NRXN3: variants seen among roughly 807,000 people sequenced by gnomAD.
The protein encoded by NRXN3 is neurexin 3.
NRXN3 carries 32 observed loss-of-function variants against 137.6 expected under a neutral mutation model. The observed-to-expected ratio is 0.23, with a 90% CI of 0.18 to 0.31. The LOEUF (loss-of-function observed/expected upper bound fraction) is 0.31, where lower values mean the gene tolerates loss of function less well. NRXN3 is among the 10% of genes least tolerant of loss of function. The pLI, the probability that NRXN3 is intolerant of heterozygous loss-of-function variation, is 1.00. For missense variants in NRXN3, 1,574 were observed against 2,062.5 expected, an observed-to-expected ratio of 0.76 and a Z score of 4.59; for synonymous variants, 798 against 784.5, an observed-to-expected ratio of 1.02 and a Z score of -0.29.
chr14:79,716,559 A>G (rs1299767274), intron 19 of NRXN3, among the ~76,000 whole-genome samples: 1 of 152,024 alleles, frequency 6.6e-6, no homozygotes, highest in South Asian at 2.1e-4. Context: ...TATTTTTCTC[A>G]TGCCTTACTT....
rs368322773 is a variant in NRXN3, at chr14:78,709,534, C to A, written c.1539C>A (p.Leu513=). 6.2e-7 allele frequency: 1 copy of A among 1,614,060 alleles called. No individual in the cohort carries two copies. The highest frequency in any genetic ancestry group is 2.2e-5 in the East Asian group (1 of 44,834). Residue 513 remains leucine (L), a synonymous_variant, in exon 7 of 21, where the codon CTC becomes CTA. Transcript: ENST00000335750. Reference sequence around the variant, plus strand: ...TAGACTTCTTTGCCGTGGAACTCCTCGATGGCAACCTGTACTTGCTGCTTG... The same window carrying A: ...TAGACTTCTTTGCCGTGGAACTCCTAGATGGCAACCTGTACTTGCTGCTTG... ...TKVDFFAVEL[L]DGNLYLLLDM... is the part of the protein sequence containing the mutation.
chr14:78,572,013 A>G (rs1256395126), intron 4 of NRXN3, among the ~76,000 whole-genome samples: 2 of 152,312 alleles, frequency 1.3e-5, no homozygotes, highest in East Asian at 3.9e-4. Flanking sequence ...TGTCTTCTCC[A>G]TTCTTTGGAA....
chr14:78,506,380 A>T lies in NRXN3; in HGVS notation c.758-138740A>T, dbSNP rs184071067. 2.3e-3 allele frequency among the ~76,000 whole-genome samples: 347 copies of T among 152,314 alleles called. 4 individuals are homozygous for T. The highest frequency in any genetic ancestry group is 5.2e-3 in the Admixed American group (80 of 15,302). On this transcript the variant is annotated intron_variant, in intron 4 of 20. Coordinates refer to ENST00000335750, the MANE Select transcript of NRXN3 (RefSeq NM_001330195.2). ...GTTATTGCGAACAGTGCTGCAATAA[A>T]CATGGGGGTGCAGATATCTCTTTGA...
chr14:78,185,374 G>A (rs1330830915), intron 1 of NRXN3, among the ~76,000 whole-genome samples: 2 of 152,150 alleles, frequency 1.3e-5, no homozygotes, highest in Non-Finnish European at 2.9e-5. Flanking sequence ...ACAGGCCAGG[G>A]AAGTAGCATG....
At chr14:79,085,608 T>C (rs1240236456) in intron 15 of NRXN3, among the ~76,000 whole-genome samples, 1 of 152,176 alleles carries the variant, frequency 6.6e-6, no homozygotes, top group African/African-American at 2.4e-5. Context: ...ATTAACTTAG[T>C]AGTTTAATGA....
At chr14:79,845,186 T>C (rs930001805) in intron 20 of NRXN3, among the ~76,000 whole-genome samples, 3 of 152,270 alleles carry the variant, frequency 2.0e-5, no homozygotes, top group Non-Finnish European at 4.4e-5. Context: ...AACAGGAATG[T>C]TGTGGCTAGT....
chr14:78,234,269 A>G (rs532776646), intron 1 of NRXN3, among the ~76,000 whole-genome samples: 3 of 152,234 alleles, frequency 2.0e-5, no homozygotes, highest in Non-Finnish European at 4.4e-5. Flanking sequence ...AGACACCAAC[A>G]TTAGCCATGC....
chr14:79,148,271 C>T (rs1356888065), intron 15 of NRXN3, among the ~76,000 whole-genome samples: 2 of 152,128 alleles, frequency 1.3e-5, no homozygotes, highest in Non-Finnish European at 2.9e-5. Context: ...GAGAGTTAAA[C>T]AGTGTTGTGA....
chr14:79,036,207 T>A (rs1050630649), intron 15 of NRXN3, among the ~76,000 whole-genome samples: 1 of 152,078 alleles, frequency 6.6e-6, no homozygotes, highest in Non-Finnish European at 1.5e-5. Context: ...AGCAAGATAC[T>A]TCCCCCCCAC....
At chr14:78,442,631 A>T (rs1165702839) in intron 4 of NRXN3, among the ~76,000 whole-genome samples, 2 of 152,196 alleles carry the variant, frequency 1.3e-5, no homozygotes, top group African/African-American at 2.4e-5. Flanking sequence ...ACAAAATACC[A>T]GCATGAGGAA....
chr14:79,024,119 C>CA (rs1435102956), intron 15 of NRXN3, among the ~76,000 whole-genome samples: 5 of 151,780 alleles, frequency 3.3e-5, no homozygotes, highest in Admixed American at 1.3e-4. Context: ...CATTCATGTT[C>CA]AAAAAAAATG....
chr14:79,160,826 G>A (rs1444823792), intron 15 of NRXN3, among the ~76,000 whole-genome samples: 1 of 151,956 alleles, frequency 6.6e-6, no homozygotes, highest in African/African-American at 2.4e-5. Context: ...AGGGAAGGCA[G>A]AAGCAAGTAG....
intron 4 of NRXN3, among the ~76,000 whole-genome samples, chr14:78,528,502 C>G (rs1599929871): frequency 6.6e-6 from 1 of 152,138 alleles, no homozygotes; most frequent in East Asian, 1.9e-4. Context: ...GGCAGGATAT[C>G]ATTGTCCCCA....
intron 4 of NRXN3, among the ~76,000 whole-genome samples, chr14:78,329,933 A>G (rs530869232): frequency 6.6e-6 from 1 of 152,268 alleles, no homozygotes; most frequent in East Asian, 1.9e-4. Flanking sequence ...GATTTCATCA[A>G]CCTGGCTCCA....
In NRXN3 at chr14:79,088,449, CT is replaced by C. The variant is rs1472962321; in HGVS notation, c.3262+100312del. ...AAGGATGACAGCAAAGGTTTGAACACTTTTAAAGGCCTCTCCCTTTCCCCAG... is the reference window on the plus strand; with the variant it reads ...AAGGATGACAGCAAAGGTTTGAACACTTTAAAGGCCTCTCCCTTTCCCCAG... On this transcript the variant is annotated intron_variant, in intron 15 of 20. Transcript: ENST00000335750. Among the ~76,000 whole-genome samples, 3 of 150,230 alleles carry C rather than the reference CT, an allele frequency of 2.0e-5. No homozygotes were observed. In the East Asian group the frequency reaches 5.8e-4, roughly 29 times the overall value.
At chr14:79,096,938 G>T (rs553126161) in intron 15 of NRXN3, among the ~76,000 whole-genome samples, 4 of 152,008 alleles carry the variant, frequency 2.6e-5, no homozygotes, top group African/African-American at 9.6e-5. Flanking sequence ...AGATAATTTT[G>T]ATATATAGTA....
intron 17 of NRXN3, among the ~76,000 whole-genome samples, chr14:79,676,246 C>A (rs2154005619): frequency 6.6e-6 from 1 of 151,940 alleles, no homozygotes; most frequent in East Asian, 1.9e-4. Flanking sequence ...GAATCAGATC[C>A]CCTATTTATT....
At chr14:78,246,256 TTTCTC>T (rs1332455809) in intron 2 of NRXN3, among the ~76,000 whole-genome samples, 1 of 152,216 alleles carries the variant, frequency 6.6e-6, no homozygotes, top group Non-Finnish European at 1.5e-5. Context: ...ACAATTTGCT[TTTCTC>T]TTCTTTTTCT....
intron 19 of NRXN3, among the ~76,000 whole-genome samples, chr14:79,800,381 G>A (rs1290491298): frequency 6.6e-6 from 1 of 152,196 alleles, no homozygotes; most frequent in Non-Finnish European, 1.5e-5. Flanking sequence ...TAACAGCTCA[G>A]CACAAAGCCT....
Sources: gnomAD v4.1 joint callset for allele counts (sites outside exome capture counted in the v4.1 genomes callset) on GRCh38, gnomAD v4.1.1 for gene constraint, MANE v1.5 for transcripts, NCBI Gene and HGNC (gene_info 2026-07-23, HGNC 2026-07-21) for gene names.